The following GRM4 variants were observed in gnomAD, a reference collection of about 807,000 sequenced individuals.
GRM4 encodes the protein glutamate metabotropic receptor 4.
A neutral mutation model predicts 81.7 loss-of-function variants in GRM4; 28 were observed. That is an observed-to-expected ratio of 0.34 (90% confidence interval 0.25 to 0.47). The LOEUF (loss-of-function observed/expected upper bound fraction) is 0.47. GRM4 is among the 20% of genes least tolerant of loss of function. The pLI, the probability that GRM4 is intolerant of heterozygous loss-of-function variation, is 1.00. For missense variants in GRM4, 948 were observed against 1,290.0 expected, an observed-to-expected ratio of 0.73 and a Z score of 4.06; for synonymous variants, 488 against 528.8, an observed-to-expected ratio of 0.92 and a Z score of 1.06.
At chr6:34,044,169 C>CACAG (rs781572315) in intron 6 of GRM4, among the ~76,000 whole-genome samples, 6 of 85,114 alleles carry the variant, frequency 7.0e-5, no homozygotes, top group African/African-American at 3.6e-4. Flanking sequence ...CATACACACA[C>CACAG]ATATACATAC....
intron 2 of GRM4, among the ~76,000 whole-genome samples, chr6:34,126,085 G>A (rs1770011138): frequency 6.6e-6 from 1 of 152,212 alleles, no homozygotes; most frequent in African/African-American, 2.4e-5. Flanking sequence ...AGGCCATGCA[G>A]TAAGTAAGCA....
rs1229681161 is a variant in GRM4 at position 34,152,662 on chromosome 6, C to T, written c.312+2417G>A. On this transcript the variant is annotated intron_variant, in intron 1 of 8. Coordinates refer to the GRM4 transcript ENST00000374177. This position sits in a 1 kb window ranked among gnomAD's most constrained non-coding sequence, Gnocchi z 4.1. ...AAGCCCACACGCCAGCTCCTACCCT[C>T]GTGGGCTGCATTTTAATGGCGTTTG... is the stretch of plus-strand genomic sequence containing the variant. Among the ~76,000 whole-genome samples, 2 of 152,212 alleles carry T rather than the reference C, an allele frequency of 1.3e-5. No homozygotes were observed. Among genetic ancestry groups the T allele is most frequent in the Non-Finnish European group, 2.9e-5 (2 of 68,042 alleles).
intron 1 of GRM4, among the ~76,000 whole-genome samples, chr6:34,135,797 G>A (rs1733428524): frequency 6.6e-6 from 1 of 152,230 alleles, no homozygotes; most frequent in Non-Finnish European, 1.5e-5. Flanking sequence ...GAAACCATAA[G>A]AGCCATAGAC....
chr6:34,065,062 A>G (rs1171524748), intron 3 of GRM4, among the ~76,000 whole-genome samples: 1 of 152,134 alleles, frequency 6.6e-6, no homozygotes, highest in Non-Finnish European at 1.5e-5. Context: ...ATAAAGGGGC[A>G]GTGTTTCATG....
At chr6:34,053,655 C>T (rs748107027) in intron 6 of GRM4, among the ~76,000 whole-genome samples, 8 of 152,210 alleles carry the variant, frequency 5.3e-5, no homozygotes, top group South Asian at 2.1e-4. Flanking sequence ...TTAGGAGGGG[C>T]GTCACCCACC....
Position 34,064,204 on chromosome 6 carries a change from G to C in GRM4, c.737-2176C>G, listed in dbSNP as rs543325780. Among the ~76,000 whole-genome samples, 3 of 152,104 alleles carry C rather than the reference G, an allele frequency of 2.0e-5. No individual in the cohort carries two copies. Among genetic ancestry groups the C allele is most frequent in the Non-Finnish European group, 4.4e-5 (3 of 68,004 alleles). On this transcript the variant is annotated intron_variant, in intron 3 of 10. Coordinates refer to ENST00000538487, the MANE Select transcript of GRM4 (RefSeq NM_000841.4). The surrounding 1 kb of genome is among the most constrained non-coding windows in gnomAD (Gnocchi z 4.4). ...AGAGATTCAGACCAGAAGGGAGTGC[G>C]GGGGGCGGGGGTGTGCAGAGCTCCG... is the stretch of plus-strand genomic sequence containing the variant.
At chr6:34,145,007 C>CGAT (rs954441579) in intron 1 of GRM4, among the ~76,000 whole-genome samples, 2 of 152,098 alleles carry the variant, frequency 1.3e-5, no homozygotes, top group Non-Finnish European at 2.9e-5. Context: ...CCCCGAGCCC[C>CGAT]GATGTCCCCG....
In GRM4 at chr6:34,111,432, A is replaced by G. The variant is rs1769379859; in HGVS notation, c.520-19333T>C. Among the ~76,000 whole-genome samples the G allele has an allele frequency of 6.6e-6, 1 of 152,182 alleles. No individual in the cohort carries two copies. Among genetic ancestry groups the G allele is most frequent in the African/African-American group, 2.4e-5 (1 of 41,438 alleles). On this transcript the variant is annotated intron_variant, in intron 2 of 10. Transcript: ENST00000538487. This position sits in a 1 kb window ranked among gnomAD's most constrained non-coding sequence, Gnocchi z 5.1. ...CACACAAACACACACACATAGAGTC[A>G]GCACTGGTGGAGGCAGCATTAACAG... is the stretch of plus-strand genomic sequence containing the variant.
At chr6:34,125,753 G>A (rs1459211936) in intron 2 of GRM4, among the ~76,000 whole-genome samples, 1 of 152,242 alleles carries the variant, frequency 6.6e-6, no homozygotes, top group African/African-American at 2.4e-5. Flanking sequence ...TTCAGGCTCA[G>A]GCCTGGCTCT....
chr6:34,043,857 G>A (rs1192767878), intron 6 of GRM4, among the ~76,000 whole-genome samples: 10 of 152,144 alleles, frequency 6.6e-5, no homozygotes, highest in Admixed American at 6.5e-4. Context: ...CTAGGCCTCG[G>A]GTGCTGCCCT....
At chr6:34,118,842 G>T (rs1028117192) in intron 2 of GRM4, among the ~76,000 whole-genome samples, 2 of 152,162 alleles carry the variant, frequency 1.3e-5, no homozygotes, top group Non-Finnish European at 2.9e-5. Context: ...CAGCAAAATT[G>T]AGGGCCTGTC....
chr6:34,143,785 A>AGGG (rs1458876535), intron 1 of GRM4, among the ~76,000 whole-genome samples: 2 of 152,180 alleles, frequency 1.3e-5, no homozygotes, highest in Non-Finnish European at 2.9e-5. Flanking sequence ...GCAGAATGGC[A>AGGG]GGGTGTGGGA....
At position 34,042,371 on chromosome 6, in the gene GRM4, T is replaced by C. The variant is rs751933223; in HGVS notation, c.1169-1623A>G. Among the ~76,000 whole-genome samples the C allele has an allele frequency of 6.6e-6, 1 of 152,062 alleles. No homozygotes were observed. Among genetic ancestry groups the C allele is most frequent in the Non-Finnish European group, 1.5e-5 (1 of 68,000 alleles). On this transcript the variant is annotated intron_variant, in intron 6 of 10. Coordinates refer to ENST00000538487, the MANE Select transcript of GRM4 (RefSeq NM_000841.4). This position sits in a 1 kb window ranked among gnomAD's most constrained non-coding sequence, Gnocchi z 4.2. ...CCAACTCCAACCCTGAGCACCACAC[T>C]CTGCCACACAGGGATGCAGGTGGGC...
intron 3 of GRM4, among the ~76,000 whole-genome samples, chr6:34,084,821 C>G (rs921150510): frequency 6.6e-6 from 1 of 152,216 alleles, no homozygotes; most frequent in Admixed American, 6.5e-5. Flanking sequence ...CCTTCCTCCT[C>G]TTGTCCAAAT....
chr6:34,074,866 GC>G lies in GRM4; in HGVS notation c.737-12839del, dbSNP rs1316949519. 2.6e-5 allele frequency among the ~76,000 whole-genome samples: 4 copies of G among 152,108 alleles called. No individual in the cohort carries two copies. The highest frequency in any genetic ancestry group is 5.9e-5 in the Non-Finnish European group (4 of 68,002). ...GGCTGGTTCCTGGCCCCCACCAAAA[GC>G]CCCCCAGAGGTCCCTACCCCAGGTC... On this transcript the variant is annotated intron_variant, in intron 3 of 10. Coordinates refer to ENST00000538487, the MANE Select transcript of GRM4 (RefSeq NM_000841.4). The surrounding 1 kb of genome is among the most constrained non-coding windows in gnomAD (Gnocchi z 4.9).
intron 1 of GRM4, among the ~76,000 whole-genome samples, chr6:34,137,560 C>T (rs1373985894): frequency 1.3e-5 from 2 of 151,248 alleles, no homozygotes; most frequent in Non-Finnish European, 2.9e-5. Flanking sequence ...CAGGAACCTG[C>T]CTTGTGGCCA....
Position 34,094,535 on chromosome 6 carries a change from A to G in GRM4, c.520-2436T>C, listed in dbSNP as rs144707654. On this transcript the variant is annotated intron_variant, in intron 2 of 10. Coordinates refer to ENST00000538487, the MANE Select transcript of GRM4 (RefSeq NM_000841.4). Reference sequence around the variant, plus strand: ...TTTTGAGGTCTGAAAATGGTATTAGAGTCATGGCTGGTTTGTTTTTAGGAA... The same window carrying G: ...TTTTGAGGTCTGAAAATGGTATTAGGGTCATGGCTGGTTTGTTTTTAGGAA... Among the ~76,000 whole-genome samples, 151 of 152,308 alleles carry G rather than the reference A, an allele frequency of 9.9e-4. 1 individual carries two copies. In the East Asian group the frequency reaches 0.016, roughly 16 times the overall value.
At chr6:34,099,617 C>T (rs993846008) in intron 2 of GRM4, among the ~76,000 whole-genome samples, 1 of 152,150 alleles carries the variant, frequency 6.6e-6, no homozygotes, top group African/African-American at 2.4e-5. Flanking sequence ...ATCCCTGATG[C>T]GCACCGCTGG....
intron 5 of GRM4, among the ~76,000 whole-genome samples, chr6:34,057,456 T>C (rs1765958939): frequency 6.6e-6 from 1 of 152,140 alleles, no homozygotes; most frequent in Admixed American, 6.5e-5. Flanking sequence ...AGCAGGAGGT[T>C]TGGCCTGCAG....
Sources: gnomAD v4.1 joint callset for allele counts (sites outside exome capture counted in the v4.1 genomes callset) on GRCh38, gnomAD v4.1.1 for gene constraint, Gnocchi (gnomAD v3.1) non-coding constraint, MANE v1.5 for transcripts, NCBI Gene and HGNC (gene_info 2026-07-23, HGNC 2026-07-21) for gene names.